Variants in USP42 observed in about 807,000 individuals in gnomAD.
The protein encoded by USP42 is ubiquitin specific peptidase 42.
In USP42, 23 loss-of-function variants were observed where a neutral mutation model predicts 113.0. The observed-to-expected ratio is 0.20, with a 90% confidence interval of 0.15 to 0.29. The LOEUF is 0.29. Ranked by LOEUF, USP42 falls within the 10% of genes least tolerant of loss-of-function variation. USP42 has a pLI of 1.00. For synonymous variants in USP42, 933 were observed against 699.0 expected, an observed-to-expected ratio of 1.33 and a Z score of -5.28; for missense variants, 2,174 against 1,779.8, an observed-to-expected ratio of 1.22 and a Z score of -3.99.
chr7:6,091,978 T>TTTCTTC, the USP42 span, among the ~76,000 whole-genome samples: 532 of 67,902 alleles, frequency 7.8e-3, 53 homozygotes, highest in East Asian at 0.022. Context: ...GGACGTATTT[T>TTTCTTC]TTCTTCTTCT....
rs567799081 is a variant in USP42 at position 6,145,958 on chromosome 7, AG to A, written c.1132-189del. Among the ~76,000 whole-genome samples, 671 of 152,204 alleles carry A rather than the reference AG, an allele frequency of 4.4e-3. 8 individuals carry two copies. The highest frequency in any genetic ancestry group is 0.015 in the African/African-American group (635 of 41,530). On this transcript the variant is annotated intron_variant, in intron 10 of 17. Coordinates refer to ENST00000306177, the MANE Select transcript of USP42 (RefSeq NM_032172.3). ...GGTGGCACCTGCCAGTAATCCCAGC[AG>A]CTCCGGAGGCTGAGGCAGGAGAATC...
At position 6,153,848 on chromosome 7, in the gene USP42, C is replaced by G. The variant is rs779190626; in HGVS notation, c.2294C>G (p.Ala765Gly). 2.5e-4 allele frequency: 389 copies of G among 1,546,500 alleles called. No individual in the cohort carries two copies. The highest frequency in any genetic ancestry group is 3.2e-4 in the Non-Finnish European group (369 of 1,146,050). The change falls in exon 15 of 18, where the codon GCG becomes GGG. Residue 765 changes from alanine to glycine, a missense_variant. Coordinates refer to ENST00000306177, the MANE Select transcript of USP42 (RefSeq NM_032172.3). ...GCCGAATCCCTGGAGGAGCCAGATGCGGCCGCCGGCCTCAGCAGCACCAAG... is the reference window on the plus strand; with the variant it reads ...GCCGAATCCCTGGAGGAGCCAGATGGGGCCGCCGGCCTCAGCAGCACCAAG... ...PAAESLEEPDAAAGLSSTKKA... is the reference protein window; with the variant it reads ...PAAESLEEPDGAAGLSSTKKA...
chr7:6,113,693 C>G (rs1779725940), intron 2 of USP42, among the ~76,000 whole-genome samples: 1 of 152,028 alleles, frequency 6.6e-6, no homozygotes, highest in Non-Finnish European at 1.5e-5. Context: ...GCAATCTCGG[C>G]TCACTGCAAC....
rs1311477971 is a variant in USP42 at position 6,115,412 on chromosome 7, G to T, written c.331G>T (p.Ala111Ser). The stretch of plus-strand genomic sequence containing the variant: ...GTGGCAACAAACTCATAGAGTTGGA[G>T]CTGGGCTCCAGAATTTGGGCAATAC... ...LKWQQTHRVG[A>S]GLQNLGNTCF... The change falls in exon 3 of 18, where the codon GCT becomes TCT. Residue 111 changes from alanine to serine, a missense_variant. Transcript: ENST00000306177. 1 of 1,614,086 alleles carries T rather than the reference G, an allele frequency of 6.2e-7. No homozygotes were observed. Among genetic ancestry groups the T allele is most frequent in the Non-Finnish European group, 8.5e-7 (1 of 1,179,904 alleles).
intron 14 of USP42, 26 bp from the exon 15 acceptor site, chr7:6,153,730 C>A (rs1562853330): frequency 1.4e-6 from 2 of 1,432,008 alleles, no homozygotes; most frequent in Non-Finnish European, 1.8e-6. Flanking sequence ...CGCTAACGGG[C>A]GTGTTTGTTT....
intron 1 of USP42, among the ~76,000 whole-genome samples, chr7:6,108,738 C>A (rs781429188): frequency 6.6e-6 from 1 of 152,154 alleles, no homozygotes; most frequent in Non-Finnish European, 1.5e-5. Context: ...CTTGGCCTCC[C>A]AAAGTGCTGG....
chr7:6,094,233 G>A, the USP42 span, among the ~76,000 whole-genome samples: 2 of 150,174 alleles, frequency 1.3e-5, no homozygotes, highest in South Asian at 4.2e-4. Context: ...GAGTGCCATC[G>A]TGCCATAATA....
chr7:6,090,350 ATATATATATT>A, the USP42 span, among the ~76,000 whole-genome samples: 2 of 142,330 alleles, frequency 1.4e-5, no homozygotes, highest in East Asian at 4.0e-4. Context: ...ATATATATTT[ATATATATATT>A]TATATATATT....
rs1370560697 is a variant in USP42 at position 6,139,135 on chromosome 7, T to C, written c.597T>C (p.His199=). Residue 199 remains histidine, a synonymous_variant, in exon 5 of 18, where the codon CAT becomes CAC. Transcript: ENST00000306177. The surrounding 1 kb of genome is among the most constrained non-coding windows in gnomAD (Gnocchi z 4.5). ...HFRFGNQEDA[H]EFLQYTVDAM... ...GTTTTGGAAACCAAGAAGATGCCCA[T>C]GAATTCCTTCAATACACTGTTGATG... 2.5e-6 allele frequency: 4 copies of C among 1,610,566 alleles called. No homozygotes were observed. The highest frequency in any genetic ancestry group is 3.4e-6 in the Non-Finnish European group (4 of 1,178,522).
At chr7:6,136,002 CTTTT>C (rs11322306) in intron 4 of USP42, 51 bp downstream of exon 4, 1,706 of 546,612 alleles carry the variant, frequency 3.1e-3, no homozygotes, top group East Asian at 5.7e-3. Context: ...CCTAGTTATA[CTTTT>C]TTTTTTTTTT....
At chr7:6,110,979 A>G (rs1779567468) in intron 1 of USP42, 146 bp from the exon 2 acceptor site, 1 of 737,534 alleles carries the variant, frequency 1.4e-6, no homozygotes. Flanking sequence ...CAGAAATGTT[A>G]GAAAGTACTA....
At chr7:6,121,052 T>G (rs1331172325) in intron 3 of USP42, among the ~76,000 whole-genome samples, 1 of 152,136 alleles carries the variant, frequency 6.6e-6, no homozygotes, top group African/African-American at 2.4e-5. Context: ...TTAAGATCCC[T>G]TAAGATTTTA....
chr7:6,109,933 T>C (rs1334037577), intron 1 of USP42, among the ~76,000 whole-genome samples: 1 of 151,524 alleles, frequency 6.6e-6, no homozygotes, highest in Non-Finnish European at 1.5e-5. Flanking sequence ...ACGCCTGACC[T>C]CAGGTGATTC....
chr7:6,114,676 ATATTTTTTTTTTTTTT>A (rs1209292353), intron 2 of USP42, among the ~76,000 whole-genome samples: 1 of 31,264 alleles, frequency 3.2e-5, no homozygotes. Flanking sequence ...ATATATATAT[ATATTTTTTTTTTTTTT>A]TTTTTTTTTT....
In USP42 at chr7:6,150,105, C is replaced by A. The variant is rs557897626; in HGVS notation, c.1909C>A (p.Pro637Thr). 6.2e-7 allele frequency: 1 copy of A among 1,611,752 alleles called. No homozygotes were observed. Among genetic ancestry groups the A allele is most frequent in the South Asian group, 1.1e-5 (1 of 90,714 alleles). ...TGGTACGATTGTGAGCTCCCACTCT[C>A]CCGGCCAAGATGCCGAAGATGAGGA... The part of the protein sequence containing the change: ...GIGTIVSSHS[P>T]GQDAEDEEAT... Residue 637 changes from proline to threonine, a missense_variant, in exon 13 of 18, where the codon CCC becomes ACC. Coordinates refer to ENST00000306177, the MANE Select transcript of USP42 (RefSeq NM_032172.3).
intron 1 of USP42, among the ~76,000 whole-genome samples, chr7:6,108,237 G>A (rs1174373825): frequency 6.6e-6 from 1 of 152,020 alleles, no homozygotes; most frequent in Non-Finnish European, 1.5e-5. Flanking sequence ...CAAAATTGAT[G>A]CTTTTAAAAA....
At chr7:6,145,446 A>G (rs1333779575) in intron 9 of USP42, 70 bp from the exon 10 acceptor site, 1 of 1,591,934 alleles carries the variant, frequency 6.3e-7, no homozygotes, top group Non-Finnish European at 8.6e-7. Flanking sequence ...AGCTCTAAGT[A>G]CCCTCTACCT....
rs112885680 is a variant in USP42 at position 6,135,034 on chromosome 7, C to G, written c.443-807C>G. ...CAAACTCTTGGCCCCAAGAGATGCA[C>G]CCACCTCAGCTTCCCAGAGTGCTGA... On this transcript the variant is annotated intron_variant, in intron 3 of 17. Transcript: ENST00000306177. Among the ~76,000 whole-genome samples, 703 of 152,274 alleles carry G rather than the reference C, an allele frequency of 4.6e-3. 6 individuals are homozygous for G. Among genetic ancestry groups the G allele is most frequent in the African/African-American group, 0.016 (670 of 41,550 alleles).
the USP42 span, among the ~76,000 whole-genome samples, chr7:6,094,620 G>A: frequency 2.0e-5 from 3 of 151,238 alleles, no homozygotes. Flanking sequence ...GGTTCATCCA[G>A]TTTTTGCAGG....
Sources: gnomAD v4.1 joint callset for allele counts (sites outside exome capture counted in the v4.1 genomes callset) on GRCh38, gnomAD v4.1.1 for gene constraint, Gnocchi (gnomAD v3.1) non-coding constraint, MANE v1.5 for transcripts, NCBI Gene and HGNC (gene_info 2026-07-23, HGNC 2026-07-21) for gene names.